Variants in OR56A3 observed in about 807,000 individuals in gnomAD.
OR56A3 encodes olfactory receptor family 56 subfamily A member 3, also known as olfactory receptor 56A3.
OR56A3 carries 23 observed loss-of-function variants against 17.5 expected under a neutral mutation model. The ratio of observed to expected loss-of-function variants is 1.32; its 90% CI spans 0.95 to 1.87. The LOEUF is 1.87. OR56A3 is among the 40% of genes most tolerant of loss of function. OR56A3 has a pLI of 0.00. For missense variants in OR56A3, 366 were observed against 380.1 expected, an observed-to-expected ratio of 0.96 and a Z score of 0.31; for synonymous variants, 175 against 150.6, an observed-to-expected ratio of 1.16 and a Z score of -1.19.
At chr11:6,012,825 C>T in the OR56A3 span, among the ~76,000 whole-genome samples, 4 of 152,264 alleles carry the variant, frequency 2.6e-5, no homozygotes, top group African/African-American at 7.2e-5. Context: ...TCCTCCAACA[C>T]TTGTCAGTGT....
the OR56A3 span, among the ~76,000 whole-genome samples, chr11:5,979,606 C>A: frequency 5.3e-5 from 8 of 152,048 alleles, no homozygotes; most frequent in South Asian, 1.5e-3. Context: ...TGGATATTCT[C>A]TTTTTTATTA....
At chr11:5,967,612 A>C in the OR56A3 span, 6 of 1,613,766 alleles carry the variant, frequency 3.7e-6, no homozygotes, top group African/African-American at 8.0e-5. Flanking sequence ...CTCACACCAT[A>C]AACAATGGGG....
chr11:6,015,017 G>GAAAAAAAAAAAAA, the OR56A3 span, among the ~76,000 whole-genome samples: 7 of 39,546 alleles, frequency 1.8e-4, no homozygotes, highest in African/African-American at 2.4e-4. Flanking sequence ...AAAAAAAAAT[G>GAAAAAAAAAAAAA]ACCTGAAACT....
chr11:5,991,024 C>T, the OR56A3 span, among the ~76,000 whole-genome samples: 1 of 152,168 alleles, frequency 6.6e-6, no homozygotes, highest in Non-Finnish European at 1.5e-5. Context: ...AAATTCTGCC[C>T]TAGCTTGTGG....
chr11:5,945,618 T>C (rs1316710354), intron 2 of OR56A3, among the ~76,000 whole-genome samples: 1 of 149,514 alleles, frequency 6.7e-6, no homozygotes. Flanking sequence ...TTCTTGGGTC[T>C]GAAGGAACCC....
the OR56A3 span, among the ~76,000 whole-genome samples, chr11:5,981,955 G>A: frequency 6.6e-6 from 1 of 152,306 alleles, no homozygotes; most frequent in East Asian, 1.9e-4. Context: ...CCTGGGTTGT[G>A]TGCTCTAACC....
At chr11:5,977,438 T>G in the OR56A3 span, among the ~76,000 whole-genome samples, 2 of 152,250 alleles carry the variant, frequency 1.3e-5, no homozygotes, top group Non-Finnish European at 2.9e-5. Context: ...CATTGTGGTT[T>G]TGATTTTCAC....
chr11:6,008,310 T>C, the OR56A3 span, among the ~76,000 whole-genome samples: 37,059 of 152,106 alleles, frequency 0.24, 5,955 homozygotes, highest in East Asian at 0.78. Context: ...TATCTTGCTA[T>C]GTAGGTGTCT....
chr11:6,010,724 C>A, the OR56A3 span, among the ~76,000 whole-genome samples: 1 of 152,118 alleles, frequency 6.6e-6, no homozygotes, highest in Non-Finnish European at 1.5e-5. Context: ...TAATTTCTCC[C>A]CTTGGGATTC....
chr11:5,964,188 AT>A, the OR56A3 span, among the ~76,000 whole-genome samples: 1 of 151,962 alleles, frequency 6.6e-6, no homozygotes. Context: ...GCTGTTTTGT[AT>A]TTGTTATCAC....
At chr11:5,990,954 T>C in the OR56A3 span, among the ~76,000 whole-genome samples, 1 of 152,184 alleles carries the variant, frequency 6.6e-6, no homozygotes, top group African/African-American at 2.4e-5. Flanking sequence ...AAGGTTCCAC[T>C]ACAGCCCTCC....
At chr11:5,962,302 T>G in the OR56A3 span, among the ~76,000 whole-genome samples, 2 of 152,182 alleles carry the variant, frequency 1.3e-5, no homozygotes, top group African/African-American at 4.8e-5. Context: ...TGCTAATGTT[T>G]TTAAAGATTT....
chr11:5,985,742 A>G, the OR56A3 span: 2 of 549,592 alleles, frequency 3.6e-6, no homozygotes, highest in Non-Finnish European at 6.3e-6. Context: ...AAAATGGCAA[A>G]AATATTCACA....
chr11:5,947,300 T>TA lies in OR56A3; in HGVS notation c.-36-9dup, dbSNP rs1400545020. 1 of 1,486,378 alleles carries TA rather than the reference T, an allele frequency of 6.7e-7. No individual in the cohort carries two copies. Among genetic ancestry groups the TA allele is most frequent in the African/African-American group, 1.4e-5 (1 of 71,312 alleles). The allele number at this position is 1,486,378 out of a possible 1,614,324, so 92.1% of individuals were successfully genotyped here. ...AGAATCCACAGCTAGTTTGTAATCA[T>TA]AATTTTCCAGATCACTGAAAGAAAG... On this transcript the variant is annotated splice_polypyrimidine_tract_variant and intron_variant, in intron 2 of 2. Transcript: ENST00000641160.
the OR56A3 span, chr11:6,000,015 G>A: frequency 6.6e-6 from 1 of 152,196 alleles, no homozygotes; most frequent in East Asian, 1.9e-4. Context: ...ACTGTTGGTG[G>A]CACTGTAAAC....
the OR56A3 span, among the ~76,000 whole-genome samples, chr11:5,960,725 C>T: frequency 1.3e-5 from 2 of 151,806 alleles, no homozygotes; most frequent in Non-Finnish European, 2.9e-5. Context: ...TGCCCATCGT[C>T]TGGGATGTGA....
chr11:5,949,914 A>G lies in OR56A3; in HGVS notation c.*1620A>G, dbSNP rs1847898011. ...TTAATTAGAAATTTCTCAAAAGTGA[A>G]AAGCCATCTGTTAAGATCCGAGTAG... On this transcript the variant is annotated 3_prime_UTR_variant, in exon 3 of 3. Transcript: ENST00000641160. 1.3e-5 allele frequency: 2 copies of G among 152,232 alleles called. No individual in the cohort carries two copies. Among genetic ancestry groups the G allele is most frequent in the African/African-American group, 4.8e-5 (2 of 41,466 alleles). The allele number at this position is 152,232 out of a possible 1,614,324, so 9.4% of individuals were successfully genotyped here.
chr11:5,946,369 T>A (rs1847869583), intron 2 of OR56A3, among the ~76,000 whole-genome samples: 2 of 152,208 alleles, frequency 1.3e-5, no homozygotes, highest in South Asian at 4.1e-4. Context: ...AATTTTGTGA[T>A]GCTGGTACCT....
At chr11:5,943,561 A>G (rs1847852094) in intron 1 of OR56A3, 1 of 151,978 alleles carries the variant, frequency 6.6e-6, no homozygotes, top group African/African-American at 2.4e-5. Context: ...GTTTTTTAAA[A>G]TAAAATAAAA....
Sources: gnomAD v4.1 joint callset for allele counts (sites outside exome capture counted in the v4.1 genomes callset) on GRCh38, gnomAD v4.1.1 for gene constraint, MANE v1.5 for transcripts, NCBI Gene and HGNC (gene_info 2026-07-23, HGNC 2026-07-21) for gene names.